The following EPHA6 variants were observed in gnomAD, a reference collection of about 807,000 sequenced individuals.
EPHA6 encodes the protein EPH receptor A6, also known as ephrin type-A receptor 6.
Under a neutral mutation model 112.0 loss-of-function variants are expected in EPHA6, and 50 were observed. The ratio of observed to expected loss-of-function variants is 0.45; its 90% CI spans 0.36 to 0.56. EPHA6 has a LOEUF of 0.56. Ranked by LOEUF, EPHA6 falls within the 20% of genes least tolerant of loss-of-function variation. The probability of loss-of-function intolerance (pLI) is 0.00; values close to 1 mark genes in which losing one functional copy is unlikely to be tolerated. For missense variants in EPHA6, 1,280 were observed against 1,417.4 expected, an observed-to-expected ratio of 0.90 and a Z score of 1.56; for synonymous variants, 529 against 490.7, an observed-to-expected ratio of 1.08 and a Z score of -1.03.
chr3:97,298,594 A>G (rs2080964904), intron 5 of EPHA6, among the ~76,000 whole-genome samples: 1 of 152,198 alleles, frequency 6.6e-6, no homozygotes, highest in Non-Finnish European at 1.5e-5. Flanking sequence ...ATAATGTGAT[A>G]GGAATGCATG....
chr3:97,115,683 C>T (rs549081483), intron 3 of EPHA6, among the ~76,000 whole-genome samples: 3 of 151,702 alleles, frequency 2.0e-5, no homozygotes, highest in South Asian at 4.2e-4. Context: ...GTTGGGAATC[C>T]ATTATATTTT....
intron 13 of EPHA6, among the ~76,000 whole-genome samples, chr3:97,626,528 C>T (rs1295379578): frequency 2.6e-5 from 4 of 151,456 alleles, no homozygotes; most frequent in Admixed American, 6.6e-5. Flanking sequence ...GGTAACAGAC[C>T]GTGAGTCCAT....
chr3:97,130,953 T>G lies in EPHA6; in HGVS notation c.1115-95311T>G, dbSNP rs145708536. ...AATTATTGTATTGTAACCACTTCTG[T>G]GCCATTTAATTGACACAAAGTGATC... On this transcript the variant is annotated intron_variant, in intron 3 of 17. Transcript: ENST00000389672. 2.0e-5 allele frequency among the ~76,000 whole-genome samples: 3 copies of G among 152,238 alleles called. No homozygotes were observed. The East Asian group carries it at 5.8e-4, about 29-fold the overall frequency.
chr3:97,191,986 A>G (rs942612313), intron 3 of EPHA6, among the ~76,000 whole-genome samples: 5 of 151,966 alleles, frequency 3.3e-5, no homozygotes, highest in Admixed American at 1.3e-4. Flanking sequence ...CACCCTGACT[A>G]GTATTTGTTA....
chr3:96,830,442 G>A (rs2033989918), intron 1 of EPHA6, among the ~76,000 whole-genome samples: 1 of 151,892 alleles, frequency 6.6e-6, no homozygotes, highest in Admixed American at 6.6e-5. Flanking sequence ...ACCTCTCTAA[G>A]GTAAGTAAGT....
intron 5 of EPHA6, among the ~76,000 whole-genome samples, chr3:97,281,830 TAA>T (rs1381842976): frequency 2.0e-5 from 3 of 152,212 alleles, no homozygotes; most frequent in Non-Finnish European, 4.4e-5. Flanking sequence ...GAATTTTTAA[TAA>T]GTCAGGGCCT....
chr3:97,484,617 G>A (rs2091651540), intron 10 of EPHA6, among the ~76,000 whole-genome samples: 1 of 152,190 alleles, frequency 6.6e-6, no homozygotes, highest in African/African-American at 2.4e-5. Flanking sequence ...CTGTACATTA[G>A]TTAAGGCAGA....
intron 1 of EPHA6, among the ~76,000 whole-genome samples, chr3:96,849,202 G>T (rs940943224): frequency 6.6e-6 from 1 of 152,030 alleles, no homozygotes; most frequent in African/African-American, 2.4e-5. Flanking sequence ...GAGCTGATTA[G>T]GTCTTAAATA....
chr3:97,087,159 G>A (rs1400399049), intron 3 of EPHA6, among the ~76,000 whole-genome samples: 1 of 152,176 alleles, frequency 6.6e-6, no homozygotes, highest in Admixed American at 6.6e-5. Flanking sequence ...CAAGGATTCT[G>A]CTGCCCTGGG....
intron 2 of EPHA6, among the ~76,000 whole-genome samples, chr3:96,888,225 C>T (rs1394575471): frequency 6.6e-6 from 1 of 152,148 alleles, no homozygotes; most frequent in East Asian, 1.9e-4. Context: ...CAGGAATGGC[C>T]TGCTTGGCGA....
chr3:97,250,947 A>G (rs1323358451), intron 5 of EPHA6, among the ~76,000 whole-genome samples: 1 of 151,608 alleles, frequency 6.6e-6, no homozygotes, highest in Non-Finnish European at 1.5e-5. Context: ...GCTCACTGCA[A>G]CCTCTGCCTC....
chr3:96,980,440 T>A (rs1310003215), intron 2 of EPHA6, among the ~76,000 whole-genome samples: 3 of 152,198 alleles, frequency 2.0e-5, no homozygotes, highest in Non-Finnish European at 4.4e-5. Context: ...TACCATGCTG[T>A]TTTGGTTACT....
At chr3:97,139,668 C>T (rs930283234) in intron 3 of EPHA6, among the ~76,000 whole-genome samples, 5 of 152,126 alleles carry the variant, frequency 3.3e-5, no homozygotes, top group Non-Finnish European at 5.9e-5. Context: ...ACACTCCCAC[C>T]CTCGGGGGGA....
intron 5 of EPHA6, among the ~76,000 whole-genome samples, chr3:97,403,059 G>A (rs2087096144): frequency 6.6e-6 from 1 of 151,360 alleles, no homozygotes; most frequent in African/African-American, 2.4e-5. Context: ...CTAACTTGGA[G>A]TTTTTATTTA....
At chr3:97,280,950 C>T (rs1292169452) in intron 5 of EPHA6, among the ~76,000 whole-genome samples, 1 of 152,176 alleles carries the variant, frequency 6.6e-6, no homozygotes, top group Non-Finnish European at 1.5e-5. Flanking sequence ...TTGGCAATTA[C>T]TCCCTCTGAA....
At chr3:97,383,199 A>T (rs1024384445) in intron 5 of EPHA6, among the ~76,000 whole-genome samples, 11 of 152,026 alleles carry the variant, frequency 7.2e-5, no homozygotes, top group Non-Finnish European at 1.3e-4. Context: ...TTTTATAGTG[A>T]TCTCTCTATA....
At chr3:97,628,897 G>A (rs908577705) in intron 13 of EPHA6, among the ~76,000 whole-genome samples, 1 of 151,858 alleles carries the variant, frequency 6.6e-6, no homozygotes, top group South Asian at 2.1e-4. Flanking sequence ...TTCAGCAGTG[G>A]AAAAGAAGAA....
chr3:97,316,567 G>A (rs561819688), intron 5 of EPHA6, among the ~76,000 whole-genome samples: 9 of 151,958 alleles, frequency 5.9e-5, no homozygotes, highest in Non-Finnish European at 1.2e-4. Context: ...GCTATAAAAC[G>A]TGTTTGATGA....
At chr3:96,904,276 G>C (rs1288324190) in intron 2 of EPHA6, among the ~76,000 whole-genome samples, 3 of 151,964 alleles carry the variant, frequency 2.0e-5, no homozygotes, top group East Asian at 3.9e-4. Context: ...ACTATGCAGT[G>C]ATAAAAAATG....
Sources: allele counts gnomAD v4.1 joint callset (sites outside exome capture counted in the v4.1 genomes callset), GRCh38; gene constraint gnomAD v4.1.1; transcripts MANE v1.5; gene names NCBI Gene and HGNC (gene_info 2026-07-23, HGNC 2026-07-21).